SDK1: variants seen among roughly 807,000 people sequenced by gnomAD.
The protein encoded by SDK1 is protein sidekick-1.
SDK1 carries 157 observed loss-of-function variants against 245.5 expected under a neutral mutation model. The observed-to-expected ratio is 0.64, with a 90% CI of 0.56 to 0.73. The LOEUF (loss-of-function observed/expected upper bound fraction) is 0.73. Ranked by LOEUF, SDK1 falls within the 30% of genes least tolerant of loss-of-function variation. The pLI, the probability that SDK1 is intolerant of heterozygous loss-of-function variation, is 0.00. For missense variants in SDK1, 3,583 were observed against 3,002.3 expected, an observed-to-expected ratio of 1.19 and a Z score of -4.52; for synonymous variants, 1,647 against 1,278.5, an observed-to-expected ratio of 1.29 and a Z score of -6.15.
chr7:3,445,731 C>G (rs1003701880), intron 1 of SDK1, among the ~76,000 whole-genome samples: 21 of 152,140 alleles, frequency 1.4e-4, no homozygotes, highest in African/African-American at 4.8e-4. Context: ...CATATTTCTT[C>G]TACACACATT....
chr7:3,434,794 A>G (rs542513881), intron 1 of SDK1, among the ~76,000 whole-genome samples: 1 of 152,142 alleles, frequency 6.6e-6, no homozygotes, highest in South Asian at 2.1e-4. Context: ...CAGGGAGTGT[A>G]GATAGAATCA....
chr7:4,147,647 G>A (rs1218963118), intron 29 of SDK1, among the ~76,000 whole-genome samples: 1 of 152,042 alleles, frequency 6.6e-6, no homozygotes, highest in Admixed American at 6.5e-5. Context: ...CTGGAGGGAC[G>A]GAAGCCCTCA....
At chr7:3,345,097 C>T (rs916647452) in intron 1 of SDK1, among the ~76,000 whole-genome samples, 13 of 152,160 alleles carry the variant, frequency 8.5e-5, no homozygotes, top group African/African-American at 2.2e-4. Flanking sequence ...TGTAGAACTT[C>T]GGGTCTCCAC....
intron 17 of SDK1, among the ~76,000 whole-genome samples, chr7:4,033,221 T>A (rs1290628504): frequency 1.3e-5 from 2 of 152,098 alleles, no homozygotes; most frequent in African/African-American, 4.8e-5. Context: ...AATAGACTTT[T>A]TGATAAGCAT....
intron 9 of SDK1, among the ~76,000 whole-genome samples, chr7:3,966,480 C>T (rs558468131): frequency 4.5e-4 from 69 of 152,152 alleles, no homozygotes; most frequent in African/African-American, 6.3e-4. Flanking sequence ...TGTCTTTCCT[C>T]GGTCTGACTC....
Position 3,635,846 on chromosome 7 carries a change from C to T in SDK1, c.459-3158C>T, listed in dbSNP as rs1016983815. ...CTCAGCCCCTAAGTGGCTGGGATTA[C>T]AGGCTCACACCACCACACTTGGCTA... On this transcript the variant is annotated intron_variant, in intron 2 of 44. Transcript: ENST00000404826. Among the ~76,000 whole-genome samples, 2 of 152,160 alleles carry T rather than the reference C, an allele frequency of 1.3e-5. 1 individual carries two copies. Among genetic ancestry groups the T allele is most frequent in the South Asian group, 4.1e-4 (2 of 4,820 alleles).
rs764172478 is a variant in SDK1, at chr7:4,237,717, C to T, written c.6063C>T (p.Val2021=). 5.6e-6 allele frequency: 9 copies of T among 1,614,008 alleles called. No homozygotes were observed. The highest frequency in any genetic ancestry group is 7.6e-6 in the Non-Finnish European group (9 of 1,179,870). Residue 2021 remains valine (V), a synonymous_variant, in exon 42 of 45, where the codon GTC becomes GTT. Coordinates refer to ENST00000404826, the MANE Select transcript of SDK1 (RefSeq NM_152744.4). The stretch of plus-strand genomic sequence containing the variant: ...TGATGGCTCTGTCCAGCCTGATCGT[C>T]ATCCTGCTGGTGGTGTTCGCCCTCG... ...LLVMALSSLI[V]ILLVVFALVL...
At chr7:3,712,275 T>C (rs537616208) in intron 4 of SDK1, among the ~76,000 whole-genome samples, 2 of 152,136 alleles carry the variant, frequency 1.3e-5, no homozygotes, top group East Asian at 1.9e-4. Context: ...GTGAACCTTA[T>C]TGTGAACTGT....
intron 1 of SDK1, among the ~76,000 whole-genome samples, chr7:3,419,721 A>G (rs1031614761): frequency 2.6e-5 from 4 of 152,160 alleles, no homozygotes; most frequent in African/African-American, 9.7e-5. Context: ...ATCTGTTTTT[A>G]GGTTGAGAAC....
chr7:4,035,792 AG>A, intron 17 of SDK1, among the ~76,000 whole-genome samples: 1 of 152,220 alleles, frequency 6.6e-6, no homozygotes, highest in Non-Finnish European at 1.5e-5. Context: ...CATTCCAAGA[AG>A]CAAAGACGGT....
chr7:3,693,911 C>G (rs965935212), intron 4 of SDK1, among the ~76,000 whole-genome samples: 2 of 152,198 alleles, frequency 1.3e-5, no homozygotes, highest in African/African-American at 2.4e-5. Context: ...ACCCTGACCT[C>G]TGCCCCAGGA....
At chr7:3,506,573 T>C (rs2128609995) in intron 1 of SDK1, among the ~76,000 whole-genome samples, 1 of 152,350 alleles carries the variant, frequency 6.6e-6, no homozygotes, top group South Asian at 2.1e-4. Flanking sequence ...ATGACATGCA[T>C]ATTATATTAT....
At chr7:3,494,058 A>C (rs909404193) in intron 1 of SDK1, among the ~76,000 whole-genome samples, 1 of 151,956 alleles carries the variant, frequency 6.6e-6, no homozygotes, top group East Asian at 1.9e-4. Flanking sequence ...TTTTTTTTTT[A>C]AGGTAAACTC....
intron 28 of SDK1, among the ~76,000 whole-genome samples, chr7:4,139,647 ATATG>A (rs1288794958): frequency 6.0e-4 from 29 of 48,468 alleles, no homozygotes; most frequent in East Asian, 1.3e-3. Context: ...ATGTGTGTGT[ATATG>A]TGTGTGTGTA....
intron 5 of SDK1, among the ~76,000 whole-genome samples, chr7:3,851,660 T>C (rs1490451150): frequency 6.6e-6 from 1 of 152,150 alleles, no homozygotes; most frequent in Non-Finnish European, 1.5e-5. Flanking sequence ...ATTGGGCGGC[T>C]TGATATATGT....
At chr7:3,513,930 A>G (rs1413795523) in intron 1 of SDK1, among the ~76,000 whole-genome samples, 2 of 152,184 alleles carry the variant, frequency 1.3e-5, no homozygotes, top group African/African-American at 4.8e-5. Context: ...AGTGGCCTCT[A>G]GCTGCAGCCA....
intron 4 of SDK1, among the ~76,000 whole-genome samples, chr7:3,649,497 C>T (rs915922885): frequency 6.6e-6 from 1 of 151,940 alleles, no homozygotes; most frequent in Non-Finnish European, 1.5e-5. Flanking sequence ...GAATTTCACA[C>T]AAATGACATC....
intron 4 of SDK1, among the ~76,000 whole-genome samples, chr7:3,785,045 A>C (rs1400909632): frequency 3.3e-5 from 5 of 152,260 alleles, no homozygotes; most frequent in Admixed American, 2.6e-4. Flanking sequence ...AAATGCTTTC[A>C]TTTGCAGCAG....
chr7:3,875,334 C>A (rs1265164923), intron 5 of SDK1, among the ~76,000 whole-genome samples: 2 of 152,192 alleles, frequency 1.3e-5, no homozygotes, highest in Non-Finnish European at 2.9e-5. Flanking sequence ...CCTCTAGGAG[C>A]TGAAAGCACA....
Sources: gnomAD v4.1 joint callset for allele counts (sites outside exome capture counted in the v4.1 genomes callset) on GRCh38, gnomAD v4.1.1 for gene constraint, MANE v1.5 for transcripts, NCBI Gene and HGNC (gene_info 2026-07-23, HGNC 2026-07-21) for gene names.